The following RAC3 variants were observed in gnomAD, a reference collection of about 807,000 sequenced individuals.
RAC3 encodes Rac family small GTPase 3, also known as ras-related C3 botulinum toxin substrate 3.
RAC3 carries 9 observed loss-of-function variants against 19.0 expected under a neutral mutation model. That is an observed-to-expected ratio of 0.47 (90% CI 0.29 to 0.83). RAC3 has a LOEUF of 0.83. Among genes scored for constraint, RAC3 ranks in the 40% least tolerant of loss-of-function variants. The pLI is 0.09. For missense variants in RAC3, 203 were observed against 260.8 expected, an observed-to-expected ratio of 0.78 and a Z score of 1.53; for synonymous variants, 146 against 111.8, an observed-to-expected ratio of 1.31 and a Z score of -1.93.
rs868457886 is a variant in RAC3, at chr17:82,033,986, C to T, written c.*157C>T. ...ATGAGGCTGGGTGGCAGGATCCTGTCCTCTCTGCCGCCTCATTCTGGGGTG... is the reference window on the plus strand; with the variant it reads ...ATGAGGCTGGGTGGCAGGATCCTGTTCTCTCTGCCGCCTCATTCTGGGGTG... On this transcript the variant is annotated 3_prime_UTR_variant, in exon 6 of 6. Coordinates refer to ENST00000306897, the MANE Select transcript of RAC3 (RefSeq NM_005052.3). This position sits in a 1 kb window ranked among gnomAD's most constrained non-coding sequence, Gnocchi z 6.2. 21 of 1,001,976 alleles carry T rather than the reference C, an allele frequency of 2.1e-5. No individual in the cohort carries two copies. The highest frequency in any genetic ancestry group is 3.3e-4 in the Middle Eastern group (1 of 3,064). 62.1% of individuals were successfully genotyped at this position (1,001,976 alleles called of 1,614,324 possible). A position where few individuals can be genotyped will look rare whatever the true frequency, so the allele number is the denominator to read the frequency against.
chr17:82,031,728 C>T lies in RAC3; in HGVS notation c.-34C>T, dbSNP rs1379604921. On this transcript the variant is annotated 5_prime_UTR_variant, in exon 1 of 6. Transcript: ENST00000306897. ...CCGGGCATTTCTCCGCAGCTCGGCTCGCGGCCGCGCCCGCCGCCGCCCGGC... is the reference window on the plus strand; with the variant it reads ...CCGGGCATTTCTCCGCAGCTCGGCTTGCGGCCGCGCCCGCCGCCGCCCGGC... The T allele has an allele frequency of 2.0e-6, 2 of 986,626 alleles. No individual in the cohort carries two copies. Among genetic ancestry groups the T allele is most frequent in the Non-Finnish European group, 2.4e-6 (2 of 832,362 alleles). The allele number at this position is 986,626 out of a possible 1,614,324, so 61.1% of individuals were successfully genotyped here.
Position 82,033,568 on chromosome 17 carries a change from C to A in RAC3, c.417C>A (p.Tyr139Ter). ...LRDKKLAPIT[Y>*]PQGLAMAREI... ...ACAAGAAGCTGGCACCCATCACCTA[C>A]CCACAGGGCCTGGCCATGGCCCGGG... The change falls in exon 5 of 6, where the codon TAC (tyrosine) becomes TAA (stop). Residue 139 changes from tyrosine to a stop codon, truncating the protein, a stop_gained. Coordinates refer to ENST00000306897, the MANE Select transcript of RAC3 (RefSeq NM_005052.3). LOFTEE classifies it high-confidence loss of function. The surrounding 1 kb of genome is among the most constrained non-coding windows in gnomAD (Gnocchi z 6.2). 6.2e-7 allele frequency: 1 copy of A among 1,612,412 alleles called. No homozygotes were observed. The highest frequency in any genetic ancestry group is 8.5e-7 in the Non-Finnish European group (1 of 1,179,542).
chr17:82,032,575 G>C, intron 2 of RAC3, 117 bp downstream of exon 2: 1 of 1,452,324 alleles, frequency 6.9e-7, no homozygotes, highest in East Asian at 2.3e-5. Context: ...CTGTCTCTGG[G>C]CTTCCCGGCT....
chr17:82,033,448 G>A lies in RAC3; in HGVS notation c.297G>A (p.Pro99=), dbSNP rs781416555. The A allele has an allele frequency of 1.1e-5, 17 of 1,604,588 alleles. No homozygotes were observed. Among genetic ancestry groups the A allele is most frequent in the East Asian group, 8.9e-5 (4 of 44,846 alleles). ...SFENVRAKWY[P]EVRHHCPHTP... ...AGCGTCTGTCCCTGCAGTGGTACCCGGAGGTGCGGCACCACTGCCCCCACA... is the reference window on the plus strand; with the variant it reads ...AGCGTCTGTCCCTGCAGTGGTACCCAGAGGTGCGGCACCACTGCCCCCACA... The change falls in exon 5 of 6, where the codon CCG becomes CCA. Residue 99 remains proline (P), a synonymous_variant. Transcript: ENST00000306897. The surrounding 1 kb of genome is among the most constrained non-coding windows in gnomAD (Gnocchi z 6.2).
At position 82,033,015 on chromosome 17, in the gene RAC3, G is replaced by A. The variant is rs754802371; in HGVS notation, c.288+6G>A. 6.2e-7 allele frequency: 1 copy of A among 1,612,832 alleles called. No homozygotes were observed. The highest frequency in any genetic ancestry group is 1.7e-5 in the Admixed American group (1 of 60,030). Reference sequence around the variant, plus strand: ...TCGAGAATGTTCGTGCCAAGGTAGGGCAAGGCTGGGGGCCCCTGTGGGGAG... The same window carrying A: ...TCGAGAATGTTCGTGCCAAGGTAGGACAAGGCTGGGGGCCCCTGTGGGGAG... On this transcript the variant is annotated splice_donor_region_variant and intron_variant, in intron 4 of 5. Transcript: ENST00000306897. The surrounding 1 kb of genome is among the most constrained non-coding windows in gnomAD (Gnocchi z 6.2).
At chr17:82,032,912 C>T in intron 3 of RAC3, 35 bp from the exon 4 acceptor site, 3 of 1,611,522 alleles carry the variant, frequency 1.9e-6, no homozygotes, top group Non-Finnish European at 2.5e-6. Flanking sequence ...TGGGGAGCCC[C>T]TGACCACTCC....
intron 3 of RAC3, 42 bp downstream of exon 3, chr17:82,032,870 C>T: frequency 6.2e-7 from 1 of 1,611,128 alleles, no homozygotes; most frequent in Non-Finnish European, 8.5e-7. Context: ...GGGGGGGTCC[C>T]TGAGATCCGC....
At chr17:82,031,852 G>A in intron 1 of RAC3, 56 bp downstream of exon 1, 2 of 886,932 alleles carry the variant, frequency 2.3e-6, no homozygotes, top group Non-Finnish European at 2.7e-6. Flanking sequence ...GGGGCTCGGG[G>A]GCTCGGGGCG....
In RAC3 at chr17:82,032,426, C is replaced by G; in HGVS notation, c.75C>G (p.Thr25=). 1 of 1,613,048 alleles carries G rather than the reference C, an allele frequency of 6.2e-7. No individual in the cohort carries two copies. The highest frequency in any genetic ancestry group is 8.5e-7 in the Non-Finnish European group (1 of 1,179,972). The change falls in exon 2 of 6, where the codon ACC becomes ACG. Residue 25 remains threonine, a synonymous_variant. Transcript: ENST00000306897. ...CATGCTTGCTGATCAGCTACACGAC[C>G]AACGCCTTCCCCGGAGAGTACATCC... ...GKTCLLISYT[T]NAFPGEYIPT...
chr17:82,031,813 G>A lies in RAC3; in HGVS notation c.35+17G>A. 5.1e-6 allele frequency: 5 copies of A among 986,324 alleles called. No individual in the cohort carries two copies. Among genetic ancestry groups the A allele is most frequent in the Non-Finnish European group, 6.0e-6 (5 of 830,792 alleles). The allele number at this position is 986,324 out of a possible 1,614,324, so 61.1% of individuals were successfully genotyped here. On this transcript the variant is annotated intron_variant, in intron 1 of 5. Transcript: ENST00000306897. ...CGGCGACGGGTGAGTGCGCGGCCCGGAGGCCGCTTGGCTGGGCTGGGCGGG... is the reference window on the plus strand; with the variant it reads ...CGGCGACGGGTGAGTGCGCGGCCCGAAGGCCGCTTGGCTGGGCTGGGCGGG...
Position 82,033,107 on chromosome 17 carries a change from T to G in RAC3, c.288+98T>G. 2.2e-6 allele frequency: 3 copies of G among 1,340,132 alleles called. No individual in the cohort carries two copies. The highest frequency in any genetic ancestry group is 2.4e-5 in the South Asian group (2 of 84,690). The allele number at this position is 1,340,132 out of a possible 1,614,324, so 83.0% of individuals were successfully genotyped here. A position where few individuals can be genotyped will look rare whatever the true frequency, so the allele number is the denominator to read the frequency against. On this transcript the variant is annotated intron_variant, in intron 4 of 5. Coordinates refer to ENST00000306897, the MANE Select transcript of RAC3 (RefSeq NM_005052.3). This position sits in a 1 kb window ranked among gnomAD's most constrained non-coding sequence, Gnocchi z 6.2. ...AGGCAATTGCGATACGGGTTCTGCC[T>G]GGGGTAGGCACACGGAGTGGGGTCT...
In RAC3 at chr17:82,033,404, C is replaced by G. The variant is rs767107276; in HGVS notation, c.289-36C>G. On this transcript the variant is annotated intron_variant, in intron 4 of 5. Transcript: ENST00000306897. This position sits in a 1 kb window ranked among gnomAD's most constrained non-coding sequence, Gnocchi z 6.2. Reference sequence around the variant, plus strand: ...GCTCAGGTGGGGCTGGGGTAGCCGACTCCGGGCCTAGGGATCAGAGCGTCT... The same window carrying G: ...GCTCAGGTGGGGCTGGGGTAGCCGAGTCCGGGCCTAGGGATCAGAGCGTCT... The G allele has an allele frequency of 6.5e-7, 1 of 1,548,728 alleles. No homozygotes were observed. The highest frequency in any genetic ancestry group is 1.2e-5 in the South Asian group (1 of 81,290).
chr17:82,032,549 G>A lies in RAC3; in HGVS notation c.107+91G>A, dbSNP rs551670786. ...GGCAGGGTCTCCTCTGGGCTTCCAC[G>A]TCGGCTCAGGTGGCCCTGTCTCTGG... On this transcript the variant is annotated intron_variant, in intron 2 of 5. Transcript: ENST00000306897. 21 of 1,508,406 alleles carry A rather than the reference G, an allele frequency of 1.4e-5. No homozygotes were observed. In the African/African-American group the frequency reaches 2.1e-4, roughly 15 times the overall value. 93.4% of individuals were successfully genotyped at this position (1,508,406 alleles called of 1,614,324 possible). A position where few individuals can be genotyped will look rare whatever the true frequency, so the allele number is the denominator to read the frequency against.
rs569195913 is a variant in RAC3 at position 82,033,304 on chromosome 17, C to G, written c.289-136C>G. 8.9e-7 allele frequency: 1 copy of G among 1,119,564 alleles called. No individual in the cohort carries two copies. Among genetic ancestry groups the G allele is most frequent in the Non-Finnish European group, 1.2e-6 (1 of 810,424 alleles). 69.4% of individuals were successfully genotyped at this position (1,119,564 alleles called of 1,614,324 possible). ...TGGTATCTCCCCACCAAATCCGCCC[C>G]TGGTCACCCCTTGAAGGAAGAAGAG... is the stretch of plus-strand genomic sequence containing the variant. On this transcript the variant is annotated intron_variant, in intron 4 of 5. Transcript: ENST00000306897. The surrounding 1 kb of genome is among the most constrained non-coding windows in gnomAD (Gnocchi z 6.2).
At chr17:82,032,900 C>T (rs770462130) in intron 3 of RAC3, 47 bp from the exon 4 acceptor site, 1 of 1,610,310 alleles carries the variant, frequency 6.2e-7, no homozygotes, top group Non-Finnish European at 8.5e-7. Context: ...GGAGCAGGGC[C>T]CTGGGGAGCC....
rs1039858881 is a variant in RAC3 at position 82,033,999 on chromosome 17, T to G, written c.*170T>G. Reference sequence around the variant, plus strand: ...GCAGGATCCTGTCCTCTCTGCCGCCTCATTCTGGGGTGTGGCTCCAGCCTT... The same window carrying G: ...GCAGGATCCTGTCCTCTCTGCCGCCGCATTCTGGGGTGTGGCTCCAGCCTT... On this transcript the variant is annotated 3_prime_UTR_variant, in exon 6 of 6. Coordinates refer to ENST00000306897, the MANE Select transcript of RAC3 (RefSeq NM_005052.3). The surrounding 1 kb of genome is among the most constrained non-coding windows in gnomAD (Gnocchi z 6.2). 9.1e-5 allele frequency: 81 copies of G among 894,348 alleles called. No individual in the cohort carries two copies. The highest frequency in any genetic ancestry group is 1.3e-4 in the Non-Finnish European group (78 of 615,388). 55.4% of individuals were successfully genotyped at this position (894,348 alleles called of 1,614,324 possible).
rs2043452733 is a variant in RAC3, at chr17:82,033,417, G to A, written c.289-23G>A. ...TGGGGTAGCCGACTCCGGGCCTAGG[G>A]ATCAGAGCGTCTGTCCCTGCAGTGG... is the stretch of plus-strand genomic sequence containing the variant. On this transcript the variant is annotated intron_variant, in intron 4 of 5. Transcript: ENST00000306897. This position sits in a 1 kb window ranked among gnomAD's most constrained non-coding sequence, Gnocchi z 6.2. The A allele has an allele frequency of 2.6e-6, 4 of 1,567,858 alleles. No individual in the cohort carries two copies. Among genetic ancestry groups the A allele is most frequent in the South Asian group, 2.4e-5 (2 of 84,620 alleles).
Position 82,033,840 on chromosome 17 carries a change from C to T in RAC3, c.*11C>T. ...TGCACCGTCTTCTAGAGCCCTGGCC[C>T]ACCCGAGCCTGAGGGCTGGCGGGGA... On this transcript the variant is annotated 3_prime_UTR_variant, in exon 6 of 6. Transcript: ENST00000306897. This position sits in a 1 kb window ranked among gnomAD's most constrained non-coding sequence, Gnocchi z 6.2. 2 of 1,584,956 alleles carry T rather than the reference C, an allele frequency of 1.3e-6. No homozygotes were observed. Among genetic ancestry groups the T allele is most frequent in the East Asian group, 2.3e-5 (1 of 42,866 alleles).
In RAC3 at chr17:82,033,458, C is replaced by T. The variant is rs760272557; in HGVS notation, c.307C>T (p.His103Tyr). The change falls in exon 5 of 6, where the codon CAC becomes TAC. Residue 103 changes from histidine (H) to tyrosine (Y), a missense_variant. This residue lies in a region of RAC3 where 142 missense variants were observed against 158.2 expected (regional missense o/e 0.90). Transcript: ENST00000306897. This position sits in a 1 kb window ranked among gnomAD's most constrained non-coding sequence, Gnocchi z 6.2. ...VRAKWYPEVRHHCPHTPILLV... is the reference protein window; with the variant it reads ...VRAKWYPEVRYHCPHTPILLV... ...CCTGCAGTGGTACCCGGAGGTGCGG[C>T]ACCACTGCCCCCACACGCCCATCCT... The T allele has an allele frequency of 3.5e-5, 56 of 1,608,492 alleles. No individual in the cohort carries two copies. The highest frequency in any genetic ancestry group is 4.5e-5 in the Non-Finnish European group (53 of 1,177,662).
Sources: gnomAD v4.1 joint callset for allele counts on GRCh38, gnomAD v4.1.1 for gene constraint, gnomAD v4.1.1 regional missense constraint, Gnocchi (gnomAD v3.1) non-coding constraint, MANE v1.5 for transcripts, NCBI Gene and HGNC (gene_info 2026-07-23, HGNC 2026-07-21) for gene names.